Variants in CBFB observed in about 807,000 individuals in gnomAD.
CBFB encodes the protein CBF-beta.
A neutral mutation model predicts 30.4 loss-of-function variants in CBFB; 9 were observed. The ratio of observed to expected loss-of-function variants is 0.30; its 90% CI spans 0.18 to 0.52. The LOEUF (loss-of-function observed/expected upper bound fraction) is 0.52, where lower values mean the gene tolerates loss of function less well. Among genes scored for constraint, CBFB ranks in the 20% least tolerant of loss-of-function variants. The probability of loss-of-function intolerance (pLI) is 0.97; values close to 1 mark genes in which losing one functional copy is unlikely to be tolerated. For missense variants in CBFB, 170 were observed against 244.0 expected, an observed-to-expected ratio of 0.70 and a Z score of 2.02; for synonymous variants, 94 against 84.0, an observed-to-expected ratio of 1.12 and a Z score of -0.65.
chr16:67,056,127 T>G (rs999904067), intron 3 of CBFB, among the ~76,000 whole-genome samples: 1 of 152,194 alleles, frequency 6.6e-6, no homozygotes, highest in African/African-American at 2.4e-5. Context: ...TTCTCTATGT[T>G]TTATAAGTTT....
chr16:67,075,117 G>A (rs1212372100), intron 4 of CBFB, among the ~76,000 whole-genome samples: 1 of 152,092 alleles, frequency 6.6e-6, no homozygotes, highest in East Asian at 1.9e-4. Flanking sequence ...ATGAACCTGG[G>A]AGGCAGAGGT....
At chr16:67,059,019 C>A (rs1960810890) in intron 3 of CBFB, among the ~76,000 whole-genome samples, 1 of 152,142 alleles carries the variant, frequency 6.6e-6, no homozygotes, top group African/African-American at 2.4e-5. Flanking sequence ...CCTTGAAATT[C>A]TCTTTAGAAT....
chr16:67,071,041 C>T (rs1170782053), intron 4 of CBFB, among the ~76,000 whole-genome samples: 2 of 151,960 alleles, frequency 1.3e-5, no homozygotes, highest in Middle Eastern at 3.4e-3. Context: ...TAACTCTTAC[C>T]GATAATAGGA....
In CBFB at chr16:67,100,711, A is replaced by G. The variant is rs1962196048; in HGVS notation, c.*1933A>G. On this transcript the variant is annotated 3_prime_UTR_variant, in exon 6 of 6. Coordinates refer to ENST00000412916, the MANE Select transcript of CBFB (RefSeq NM_022845.3). ...AAGGGCTTTCGGTCCACCAGTAAATAAGATCAAATGCTCTTAAATGTTCCT... is the reference window on the plus strand; with the variant it reads ...AAGGGCTTTCGGTCCACCAGTAAATGAGATCAAATGCTCTTAAATGTTCCT... The G allele has an allele frequency of 9.1e-6, 2 of 218,814 alleles. No homozygotes were observed. The highest frequency in any genetic ancestry group is 3.7e-4 in the South Asian group (2 of 5,392). The allele number at this position is 218,814 out of a possible 1,614,324, so 13.6% of individuals were successfully genotyped here. A position where few individuals can be genotyped will look rare whatever the true frequency, so the allele number is the denominator to read the frequency against.
chr16:67,085,665 T>C (rs1441279866), intron 5 of CBFB, among the ~76,000 whole-genome samples: 2 of 150,308 alleles, frequency 1.3e-5, no homozygotes, highest in African/African-American at 4.9e-5. Context: ...CAGCCTAAAA[T>C]TTAGTATCTT....
In CBFB at chr16:67,082,194, A is replaced by T; in HGVS notation, c.400-19A>T. The T allele has an allele frequency of 6.7e-7, 1 of 1,492,554 alleles. No homozygotes were observed. The highest frequency in any genetic ancestry group is 9.0e-7 in the Non-Finnish European group (1 of 1,109,142). 92.5% of individuals were successfully genotyped at this position (1,492,554 alleles called of 1,614,324 possible). On this transcript the variant is annotated intron_variant, in intron 4 of 5. Transcript: ENST00000412916. Reference sequence around the variant, plus strand: ...TTTATAAATCAAAATTAAAATAGGTATTTCATGTATTCTGACAGCAGGAGG... The same window carrying T: ...TTTATAAATCAAAATTAAAATAGGTTTTTCATGTATTCTGACAGCAGGAGG...
intron 3 of CBFB, among the ~76,000 whole-genome samples, chr16:67,051,661 A>C (rs1218939742): frequency 6.6e-6 from 1 of 152,002 alleles, no homozygotes; most frequent in Non-Finnish European, 1.5e-5. Flanking sequence ...GAAATGTCTA[A>C]ATGACCAACA....
intron 3 of CBFB, among the ~76,000 whole-genome samples, chr16:67,066,102 A>G (rs576183476): frequency 6.6e-6 from 1 of 152,274 alleles, no homozygotes; most frequent in East Asian, 1.9e-4. Flanking sequence ...ATTAATTATC[A>G]GGAATCTGTG....
intron 2 of CBFB, among the ~76,000 whole-genome samples, chr16:67,035,473 G>C (rs534550364): frequency 4.6e-5 from 7 of 152,312 alleles, no homozygotes; most frequent in South Asian, 4.1e-4. Context: ...TGGTACCCCA[G>C]TTGATTAGGG....
intron 3 of CBFB, among the ~76,000 whole-genome samples, chr16:67,051,634 G>A (rs1242920450): frequency 2.6e-5 from 4 of 151,828 alleles, no homozygotes; most frequent in Non-Finnish European, 4.4e-5. Context: ...AACCTGCCAC[G>A]TTTATGTAAA....
intron 3 of CBFB, among the ~76,000 whole-genome samples, chr16:67,053,754 T>TACAC (rs1960632969): frequency 6.6e-6 from 1 of 151,880 alleles, no homozygotes. Context: ...GCTCACCGTG[T>TACAC]GCCGGAGATG....
intron 5 of CBFB, among the ~76,000 whole-genome samples, chr16:67,087,409 A>G (rs115775531): frequency 0.02 from 3,053 of 152,120 alleles, 93 homozygotes; most frequent in African/African-American, 0.069. Context: ...TTTAAAAACT[A>G]GCTAGGCATG....
intron 3 of CBFB, among the ~76,000 whole-genome samples, chr16:67,048,214 C>T (rs1966665857): frequency 6.6e-6 from 1 of 152,122 alleles, no homozygotes; most frequent in South Asian, 2.1e-4. Flanking sequence ...GGCACTCCAG[C>T]CTGGGTGACA....
chr16:67,031,103 T>C (rs1182173223), intron 2 of CBFB, among the ~76,000 whole-genome samples: 1 of 152,222 alleles, frequency 6.6e-6, no homozygotes, highest in Non-Finnish European at 1.5e-5. Flanking sequence ...GTCATAAAAT[T>C]CTCCCTTTAC....
chr16:67,077,359 A>T (rs1487090160), intron 4 of CBFB, among the ~76,000 whole-genome samples: 1 of 152,204 alleles, frequency 6.6e-6, no homozygotes, highest in Non-Finnish European at 1.5e-5. Context: ...TTTTGTTTGC[A>T]AGGTTTTTCT....
chr16:67,066,397 A>C (rs1417463426), intron 3 of CBFB, among the ~76,000 whole-genome samples: 3 of 148,728 alleles, frequency 2.0e-5, no homozygotes, highest in Non-Finnish European at 4.5e-5. Context: ...AAAATACAAA[A>C]AAAAAAAAAA....
intron 4 of CBFB, among the ~76,000 whole-genome samples, chr16:67,080,685 T>G (rs1666286876): frequency 6.6e-6 from 1 of 152,236 alleles, no homozygotes. Flanking sequence ...TTATTTGCTT[T>G]TTGTTGTCCA....
chr16:67,082,531 TA>T (rs1333337078), intron 5 of CBFB, among the ~76,000 whole-genome samples: 11 of 152,222 alleles, frequency 7.2e-5, no homozygotes, highest in Non-Finnish European at 1.3e-4. Flanking sequence ...TTGGTCTTCA[TA>T]AAAATCATTT....
chr16:67,071,020 A>G (rs566958514), intron 4 of CBFB, among the ~76,000 whole-genome samples: 13 of 152,152 alleles, frequency 8.5e-5, no homozygotes, highest in East Asian at 3.8e-4. Context: ...TACTATCACA[A>G]TGGAGTTACA....
Sources: allele counts gnomAD v4.1 joint callset (sites outside exome capture counted in the v4.1 genomes callset), GRCh38; gene constraint gnomAD v4.1.1; transcripts MANE v1.5; gene names NCBI Gene and HGNC (gene_info 2026-07-23, HGNC 2026-07-21).